GC: variants seen among roughly 807,000 people sequenced by gnomAD.
GC encodes the protein GC vitamin D binding protein.
GC carries 43 observed loss-of-function variants against 56.7 expected under a neutral mutation model. The observed-to-expected ratio is 0.76, with a 90% CI of 0.59 to 0.98. GC has a LOEUF of 0.98. GC is among the 50% of genes least tolerant of loss of function. The pLI is 0.00. For synonymous variants in GC, 216 were observed against 202.7 expected (o/e 1.07, Z -0.56); for missense variants, 529 against 545.9 (o/e 0.97, Z 0.31).
chr4:71,786,214 C>A (rs1237272144), upstream of GC, among the ~76,000 whole-genome samples: 1 of 151,740 alleles, frequency 6.6e-6, no homozygotes, highest in African/African-American at 2.4e-5. Flanking sequence ...TGAAATTCGG[C>A]AAAACAGGCT....
At chr4:71,768,549 C>A (rs1001393968) in intron 2 of GC, 116 bp from the exon 3 acceptor site, 10 of 773,194 alleles carry the variant, frequency 1.3e-5, no homozygotes, top group Non-Finnish European at 2.0e-5. Flanking sequence ...GCTCACTGCA[C>A]TCTCTGCCTC....
chr4:71,747,432 A>G (rs1466335650), intron 11 of GC, among the ~76,000 whole-genome samples: 1 of 152,248 alleles, frequency 6.6e-6, no homozygotes, highest in Non-Finnish European at 1.5e-5. Context: ...AATATGAAAT[A>G]GAACAAGAAG....
intron 11 of GC, among the ~76,000 whole-genome samples, chr4:71,747,348 T>G (rs1741408573): frequency 1.3e-5 from 2 of 151,478 alleles, no homozygotes; most frequent in African/African-American, 4.9e-5. Flanking sequence ...GTTGAGAAAA[T>G]GTAGTGCCAT....
chr4:71,794,605 C>G (rs1196363894), intron 1 of GC, among the ~76,000 whole-genome samples: 2 of 151,858 alleles, frequency 1.3e-5, no homozygotes, highest in African/African-American at 4.8e-5. Flanking sequence ...TTTAAAAAAC[C>G]AGCTCCTGGA....
At chr4:71,803,674 C>T (rs555733117) in intron 1 of GC, among the ~76,000 whole-genome samples, 48 of 152,270 alleles carry the variant, frequency 3.2e-4, no homozygotes, top group Non-Finnish European at 5.6e-4. Flanking sequence ...ATAAACTCAT[C>T]GCTCTCAACA....
At chr4:71,783,810 G>A (rs1330996254) in intron 1 of GC, 151 bp downstream of exon 1, 2 of 451,430 alleles carry the variant, frequency 4.4e-6, no homozygotes, top group African/African-American at 2.0e-5. Context: ...GCATCGTGGA[G>A]CTCTGATTAA....
chr4:71,786,601 C>A (rs1742844941), upstream of GC, among the ~76,000 whole-genome samples: 1 of 151,766 alleles, frequency 6.6e-6, no homozygotes. Flanking sequence ...TCCATCTTGC[C>A]ATTGGCTTCA....
rs1454524724 is a variant in GC, at chr4:71,765,558, C to T, written c.347G>A (p.Gly116Asp). The change falls in exon 4 of 13, where the codon GGC (glycine) becomes GAC (aspartate). Residue 116 changes from glycine (G) to aspartate (D), a missense_variant. Gly to Asp is a moderately conservative substitution (Grantham distance 94). Transcript: ENST00000273951. The part of the protein sequence containing the change: ...PGTAECCTKE[G>D]LERKLCMAAL... ...AGCCATGCAGAGCTTTCGTTCCAGG[C>T]CCTCTTTGGTGCAGCACTCAGCAGT... 1.9e-6 allele frequency: 3 copies of T among 1,613,620 alleles called. No individual in the cohort carries two copies. The highest frequency in any genetic ancestry group is 1.7e-5 in the Admixed American group (1 of 60,012).
intron 1 of GC, among the ~76,000 whole-genome samples, chr4:71,798,571 C>G (rs1472714344): frequency 6.6e-6 from 1 of 152,174 alleles, no homozygotes; most frequent in African/African-American, 2.4e-5. Flanking sequence ...GTGAAGGGCA[C>G]AAAATGGTTC....
At chr4:71,774,572 A>G (rs1200984931) in intron 1 of GC, among the ~76,000 whole-genome samples, 1 of 151,956 alleles carries the variant, frequency 6.6e-6, no homozygotes, top group African/African-American at 2.4e-5. Context: ...TTTAATTTGG[A>G]CGCTTAGAAC....
intron 3 of GC, 81 bp from the exon 4 acceptor site, chr4:71,765,724 G>C: frequency 1.2e-6 from 1 of 838,184 alleles, no homozygotes; most frequent in East Asian, 2.6e-5. Context: ...TAATATCTTA[G>C]CCTATAATTA....
intron 1 of GC, among the ~76,000 whole-genome samples, chr4:71,792,307 C>A (rs1042692477): frequency 2.6e-5 from 4 of 152,192 alleles, no homozygotes; most frequent in Non-Finnish European, 4.4e-5. Context: ...TCCTATTTCT[C>A]CACATTCTCT....
rs373608159 is a variant in GC, at chr4:71,762,730, A to G, written c.701+678T>C. Among the ~76,000 whole-genome samples the G allele has an allele frequency of 4.6e-5, 7 of 152,268 alleles. No individual in the cohort carries two copies. In the East Asian group the frequency reaches 1.4e-3, roughly 29 times the overall value. ...TTCATGAGATCTGATCGTTTTAAAA[A>G]CAGGAGTTTCTCTGCACAAGCTCTC... On this transcript the variant is annotated intron_variant, in intron 6 of 12. Transcript: ENST00000273951.
chr4:71,794,033 T>G (rs1743034771), intron 1 of GC, among the ~76,000 whole-genome samples: 1 of 152,216 alleles, frequency 6.6e-6, no homozygotes, highest in African/African-American at 2.4e-5. Flanking sequence ...ATAAGCTTTT[T>G]GATGTGCTGC....
intron 11 of GC, among the ~76,000 whole-genome samples, chr4:71,746,705 CACA>C (rs755397394): frequency 5.6e-4 from 74 of 131,104 alleles, no homozygotes; most frequent in African/African-American, 2.1e-3. Context: ...AAGCAGGAGG[CACA>C]ACAAGTCATG....
At chr4:71,804,942 G>A (rs1436220428), upstream of GC, among the ~76,000 whole-genome samples, 2 of 151,912 alleles carry the variant, frequency 1.3e-5, no homozygotes, top group Non-Finnish European at 2.9e-5. Flanking sequence ...GAGGCAGTAA[G>A]GTAGGTGATG....
intron 6 of GC, 86 bp downstream of exon 6, chr4:71,763,322 A>G: frequency 1.6e-6 from 1 of 625,150 alleles, no homozygotes; most frequent in South Asian, 2.7e-5. Flanking sequence ...CTTTCAATAT[A>G]GACAGCTTCT....
chr4:71,743,446 T>C (rs116037734), intron 12 of GC, among the ~76,000 whole-genome samples: 370 of 152,296 alleles, frequency 2.4e-3, no homozygotes, highest in African/African-American at 8.5e-3. Context: ...CTGATCTATC[T>C]GAGGGAAAGT....
chr4:71,763,584 T>G, intron 5 of GC, 82 bp from the exon 6 acceptor site: 1 of 825,050 alleles, frequency 1.2e-6, no homozygotes, highest in East Asian at 2.5e-5. Flanking sequence ...GGACTATTAA[T>G]TTCATGATTT....
Sources: gnomAD v4.1 joint callset for allele counts (sites outside exome capture counted in the v4.1 genomes callset) on GRCh38, gnomAD v4.1.1 for gene constraint, MANE v1.5 for transcripts, NCBI Gene and HGNC (gene_info 2026-07-23, HGNC 2026-07-21) for gene names.